Variants in ERC2 observed in about 807,000 individuals in gnomAD.
ERC2 encodes ELKS/RAB6-interacting/CAST family member 2, also known as ERC protein 2.
A neutral mutation model predicts 114.8 loss-of-function variants in ERC2; 42 were observed. That is an observed-to-expected ratio of 0.37 (90% CI 0.29 to 0.47). The LOEUF (loss-of-function observed/expected upper bound fraction) is 0.47, where lower values mean the gene tolerates loss of function less well. ERC2 is among the 20% of genes least tolerant of loss of function. The pLI, the probability that ERC2 is intolerant of heterozygous loss-of-function variation, is 0.99. For synonymous variants in ERC2, 454 were observed against 425.5 expected, an observed-to-expected ratio of 1.07 and a Z score of -0.82; for missense variants, 939 against 1,150.7, an observed-to-expected ratio of 0.82 and a Z score of 2.66.
At chr3:55,847,162 T>A (rs2061403132) in intron 14 of ERC2, among the ~76,000 whole-genome samples, 1 of 152,008 alleles carries the variant, frequency 6.6e-6, no homozygotes, top group Admixed American at 6.6e-5. Flanking sequence ...GGATCAAAGA[T>A]CAAAGGGGAA....
rs147168268 is a variant in ERC2, at chr3:56,248,704, T to C, written c.1074+47315A>G. 1.8e-4 allele frequency among the ~76,000 whole-genome samples: 27 copies of C among 152,346 alleles called. No homozygotes were observed. In the East Asian group the frequency reaches 4.8e-3, roughly 27 times the overall value. On this transcript the variant is annotated intron_variant, in intron 3 of 17. Transcript: ENST00000288221. ...AATTCTGTAAACACAATAAAGTACA[T>C]TCCAGGCAGTGCTGAATTTTTTACA...
chr3:56,244,932 G>A (rs1011188399), intron 3 of ERC2, among the ~76,000 whole-genome samples: 4 of 151,860 alleles, frequency 2.6e-5, no homozygotes, highest in East Asian at 1.9e-4. Flanking sequence ...CCTTTTCTAC[G>A]TTTAGATATG....
At chr3:56,297,163 C>T (rs2055500011) in intron 2 of ERC2, among the ~76,000 whole-genome samples, 1 of 151,190 alleles carries the variant, frequency 6.6e-6, no homozygotes, top group Admixed American at 6.6e-5. Context: ...AAAGAAAAGT[C>T]CAGTGCAAGC....
At chr3:56,149,809 C>A (rs1411738587) in intron 4 of ERC2, among the ~76,000 whole-genome samples, 1 of 152,072 alleles carries the variant, frequency 6.6e-6, no homozygotes, top group African/African-American at 2.4e-5. Flanking sequence ...GGCAGTTCAA[C>A]CTATTGATTT....
chr3:56,353,463 T>C (rs192515870), intron 2 of ERC2, among the ~76,000 whole-genome samples: 9 of 152,118 alleles, frequency 5.9e-5, no homozygotes, highest in Non-Finnish European at 1.2e-4. Flanking sequence ...CACCATGGAA[T>C]ACTATGCAGC....
At chr3:56,022,047 C>T (rs530903183) in intron 7 of ERC2, among the ~76,000 whole-genome samples, 1 of 152,236 alleles carries the variant, frequency 6.6e-6, no homozygotes, top group Admixed American at 6.5e-5. Context: ...ATACATGTGT[C>T]TTTATGGTAG....
intron 2 of ERC2, among the ~76,000 whole-genome samples, chr3:56,375,857 C>T (rs1157405333): frequency 6.6e-6 from 1 of 152,204 alleles, no homozygotes; most frequent in Non-Finnish European, 1.5e-5. Flanking sequence ...TTCTTGCTCT[C>T]TCTTGCTCAA....
At chr3:56,031,214 C>A (rs1481130589) in intron 7 of ERC2, among the ~76,000 whole-genome samples, 2 of 152,226 alleles carry the variant, frequency 1.3e-5, no homozygotes, top group African/African-American at 2.4e-5. Context: ...AGCTTTTGGT[C>A]TGCACCCAGA....
At chr3:56,356,769 C>T (rs1361675412) in intron 2 of ERC2, among the ~76,000 whole-genome samples, 1 of 152,216 alleles carries the variant, frequency 6.6e-6, no homozygotes, top group Non-Finnish European at 1.5e-5. Context: ...TACCAGACAT[C>T]AGAGCAGCTG....
chr3:56,275,606 A>C (rs12629096), intron 3 of ERC2, among the ~76,000 whole-genome samples: 53,336 of 152,034 alleles, frequency 0.35, 10,228 homozygotes, highest in Middle Eastern at 0.45. Context: ...TGCATCTCAG[A>C]CCTTCATGTG....
chr3:56,391,552 T>A (rs2106844144), intron 2 of ERC2, among the ~76,000 whole-genome samples: 1 of 152,310 alleles, frequency 6.6e-6, no homozygotes, highest in Admixed American at 6.5e-5. Context: ...CTAAATACCA[T>A]GTCATGTCTA....
chr3:55,583,420 T>C lies in ERC2; in HGVS notation c.*40-72144A>G, dbSNP rs1423491981. On this transcript the variant is annotated intron_variant, in intron 17 of 17. Transcript: ENST00000288221. ...CTTCTTTCCTTCCTTCCTTCCTTCC[T>C]TCCTTCCTTCCTTCCTTCCTTCCTC... 1.3e-3 allele frequency among the ~76,000 whole-genome samples: 167 copies of C among 127,290 alleles called. 1 individual carries two copies. The highest frequency in any genetic ancestry group is 4.7e-3 in the African/African-American group (154 of 32,490). The allele number at this position is 127,290 out of a possible 152,430, so 83.5% of individuals were successfully genotyped here.
rs1204219295 is a variant in ERC2, at chr3:55,992,219, T to A, written c.2093A>T (p.Asn698Ile). 6.2e-7 allele frequency: 1 copy of A among 1,613,696 alleles called. No individual in the cohort carries two copies. Among genetic ancestry groups the A allele is most frequent in the Admixed American group, 1.7e-5 (1 of 59,996 alleles). ...AHNIEDDSRM[N>I]PEFADQIKQL... ...TTTTATTTGGTCTGCAAACTCAGGG[T>A]TCATCCTGGAGTCATCTTCAATATT... Residue 698 changes from asparagine (N) to isoleucine (I), a missense_variant, in exon 11 of 18, where the codon AAC becomes ATC. Around this residue, in one of 5 missense-constraint regions of ERC2, gnomAD observed 328 missense variants for 353.9 expected, o/e 0.93. Coordinates refer to ENST00000288221, the MANE Select transcript of ERC2 (RefSeq NM_015576.3).
chr3:55,822,227 C>T (rs2060153481), intron 14 of ERC2, among the ~76,000 whole-genome samples: 1 of 152,128 alleles, frequency 6.6e-6, no homozygotes, highest in Non-Finnish European at 1.5e-5. Flanking sequence ...CTTGGCATAG[C>T]GTTAGTCATC....
intron 7 of ERC2, among the ~76,000 whole-genome samples, chr3:56,075,063 T>C (rs1226531421): frequency 1.3e-5 from 2 of 152,130 alleles, no homozygotes; most frequent in African/African-American, 4.8e-5. Context: ...AAGGGATGCA[T>C]AATTCCAAAC....
intron 2 of ERC2, among the ~76,000 whole-genome samples, chr3:56,298,769 T>C (rs145282927): frequency 1.1e-3 from 175 of 152,216 alleles, no homozygotes; most frequent in African/African-American, 3.9e-3. Flanking sequence ...TGTTCTCAAG[T>C]TAGATAGGGG....
chr3:55,603,842 G>T (rs1417031266), intron 17 of ERC2, among the ~76,000 whole-genome samples: 1 of 151,810 alleles, frequency 6.6e-6, no homozygotes, highest in African/African-American at 2.4e-5. Flanking sequence ...ATCAAAACTG[G>T]CATTCATAGA....
intron 14 of ERC2, among the ~76,000 whole-genome samples, chr3:55,787,854 T>C (rs890496557): frequency 6.6e-6 from 1 of 152,198 alleles, no homozygotes; most frequent in African/African-American, 2.4e-5. Flanking sequence ...CTGAAACACA[T>C]GGGCTTTCTA....
intron 14 of ERC2, among the ~76,000 whole-genome samples, chr3:55,842,839 T>C (rs1365611606): frequency 6.6e-6 from 1 of 152,108 alleles, no homozygotes; most frequent in Non-Finnish European, 1.5e-5. Context: ...TTCTAACCTC[T>C]AACGATCAAA....
Sources: allele counts gnomAD v4.1 joint callset (sites outside exome capture counted in the v4.1 genomes callset), GRCh38; gene constraint gnomAD v4.1.1; regional missense constraint gnomAD v4.1.1; transcripts MANE v1.5; gene names NCBI Gene and HGNC (gene_info 2026-07-23, HGNC 2026-07-21).